Variants in COCH observed in about 807,000 individuals in gnomAD.
COCH encodes coagulation factor C homolog, cochlin (Limulus polyphemus).
Under a neutral mutation model 54.8 loss-of-function variants are expected in COCH, and 40 were observed. That is an observed-to-expected ratio of 0.73 (90% CI 0.57 to 0.95). COCH has a LOEUF of 0.95. Among genes scored for constraint, COCH ranks in the 40% least tolerant of loss-of-function variants. COCH has a pLI of 0.00. For missense variants in COCH, 605 were observed against 675.0 expected (o/e 0.90, Z 1.15); for synonymous variants, 256 against 237.9 (o/e 1.08, Z -0.70).
At chr14:30,874,826 C>T in intron 1 of COCH, 90 bp from the exon 2 acceptor site, 1 of 1,278,598 alleles carries the variant, frequency 7.8e-7, no homozygotes, top group South Asian at 1.2e-5. Flanking sequence ...CTGCGCCGCG[C>T]CCGGGGATCC....
At chr14:30,894,854 C>T, downstream of COCH, 3 of 585,772 alleles carry the variant, frequency 5.1e-6, no homozygotes, top group Non-Finnish European at 7.2e-6. Context: ...ACATTTTGTG[C>T]AACTAATGCT....
rs1895949518 is a variant in COCH at position 30,890,615 on chromosome 14, G to A, written c.*824G>A. The A allele has an allele frequency of 1.0e-6, 1 of 969,792 alleles. No individual in the cohort carries two copies. Among genetic ancestry groups the A allele is most frequent in the Non-Finnish European group, 1.2e-6 (1 of 815,432 alleles). 60.1% of individuals were successfully genotyped at this position (969,792 alleles called of 1,614,324 possible). ...GCAATAAAACTGCTAGTGAGTTATT[G>A]TAAGCTGGCTTACTTTTATTACTGC... On this transcript the variant is annotated 3_prime_UTR_variant, in exon 12 of 12. Coordinates refer to ENST00000396618, the MANE Select transcript of COCH (RefSeq NM_004086.3).
chr14:30,881,857 G>C (rs1895602481), intron 8 of COCH, among the ~76,000 whole-genome samples: 1 of 151,504 alleles, frequency 6.6e-6, no homozygotes, highest in Non-Finnish European at 1.5e-5. Flanking sequence ...CCAGCTACTC[G>C]GGAGGCTGAG....
At chr14:30,882,120 G>GTTTTTTTTTTGTTTGTTTGTTTTTTT (rs1895618905) in intron 8 of COCH, among the ~76,000 whole-genome samples, 9 of 67,912 alleles carry the variant, frequency 1.3e-4, no homozygotes, top group African/African-American at 5.9e-4. Flanking sequence ...CTATAAAATG[G>GTTTTTTTTTTGTTTGTTTGTTTTTTT]TTTTTTTTTT....
chr14:30,887,645 G>GTT (rs1210259652), intron 11 of COCH, among the ~76,000 whole-genome samples: 1 of 151,786 alleles, frequency 6.6e-6, no homozygotes, highest in Non-Finnish European at 1.5e-5. Context: ...CAATGGACTT[G>GTT]TTTTTTTTAA....
At chr14:30,879,067 A>ACAGTTTACCTC in intron 5 of COCH, 123 bp downstream of exon 5, 4 of 1,405,000 alleles carry the variant, frequency 2.8e-6, no homozygotes, top group Non-Finnish European at 4.0e-6. Context: ...AAGCTGACCT[A>ACAGTTTACCTC]TAGAGGTAAA....
In COCH at chr14:30,878,900, A is replaced by G. The variant is rs1281507766; in HGVS notation, c.329A>G (p.Gln110Arg). 1 of 1,614,212 alleles carries G rather than the reference A, an allele frequency of 6.2e-7. No individual in the cohort carries two copies. The highest frequency in any genetic ancestry group is 1.7e-5 in the Admixed American group (1 of 60,032). The change falls in exon 5 of 12, where the codon CAG becomes CGG. Residue 110 changes from glutamine to arginine, a missense_variant. Coordinates refer to ENST00000396618, the MANE Select transcript of COCH (RefSeq NM_004086.3). The part of the protein sequence containing the change: ...NYSSVDANGI[Q>R]SQMLSRWSAS... ...TCCTCAGTAGATGCCAATGGCATCC[A>G]GTCTCAAATGCTTTCTAGATGGTCT...
At chr14:30,893,293 C>A (rs1011511738), downstream of COCH, among the ~76,000 whole-genome samples, 4 of 151,786 alleles carry the variant, frequency 2.6e-5, no homozygotes, top group African/African-American at 9.7e-5. Flanking sequence ...ACCATAGGCA[C>A]CCGCCACCAC....
At chr14:30,884,064 C>T (rs1342772608) in intron 8 of COCH, among the ~76,000 whole-genome samples, 1 of 152,194 alleles carries the variant, frequency 6.6e-6, no homozygotes, top group Non-Finnish European at 1.5e-5. Flanking sequence ...GCCACTTCCT[C>T]ATTTAGTTTA....
At chr14:30,874,619 G>A in intron 1 of COCH, 28 bp downstream of exon 1, 1 of 517,152 alleles carries the variant, frequency 1.9e-6, no homozygotes, top group South Asian at 2.2e-5. Flanking sequence ...GCGGGCGCGG[G>A]TGCGAGGGAT....
downstream of COCH, chr14:30,895,482 C>T (rs1346866310): frequency 6.2e-7 from 1 of 1,614,082 alleles, no homozygotes; most frequent in Admixed American, 1.7e-5. Flanking sequence ...TGGAAAGCAA[C>T]ATCATAAATT....
At chr14:30,875,327 G>A in intron 3 of COCH, 1 of 645,870 alleles carries the variant, frequency 1.5e-6, no homozygotes, top group Non-Finnish European at 2.7e-6. Context: ...CCAGTGGGGG[G>A]ACGTTCTCCA....
intron 8 of COCH, 77 bp downstream of exon 8, chr14:30,880,811 T>TG: frequency 1.9e-6 from 2 of 1,069,588 alleles, no homozygotes; most frequent in Non-Finnish European, 1.4e-6. Context: ...TATATACTTA[T>TG]GGGGTACATA....
intron 11 of COCH, among the ~76,000 whole-genome samples, chr14:30,887,414 A>AAAC (rs1555312112): frequency 9.4e-5 from 14 of 148,436 alleles, no homozygotes; most frequent in Non-Finnish European, 2.0e-4. Context: ...AAAAAAAAAA[A>AAAC]AAAAAACTTT....
chr14:30,880,340 A>T (rs944489016), intron 6 of COCH, 112 bp from the exon 7 acceptor site: 27 of 1,490,486 alleles, frequency 1.8e-5, no homozygotes, highest in African/African-American at 9.9e-5. Context: ...TAATTTTTTT[A>T]AAAAAGTCCT....
In COCH at chr14:30,890,354, T is replaced by G; in HGVS notation, c.*563T>G. The G allele has an allele frequency of 1.0e-6, 1 of 985,516 alleles. No individual in the cohort carries two copies. Among genetic ancestry groups the G allele is most frequent in the African/African-American group, 1.7e-5 (1 of 57,366 alleles). 61.0% of individuals were successfully genotyped at this position (985,516 alleles called of 1,614,324 possible). A position where few individuals can be genotyped will look rare whatever the true frequency, so the allele number is the denominator to read the frequency against. ...TGTATCAAACTGCTTTTGTAGTGTG[T>G]TTTCATAACAACTTATGACTAAAAA... On this transcript the variant is annotated 3_prime_UTR_variant, in exon 12 of 12. Coordinates refer to ENST00000396618, the MANE Select transcript of COCH (RefSeq NM_004086.3).
rs2138843742 is a variant in COCH, at chr14:30,878,830, G to T, written c.259G>T (p.Gly87Trp). 1 of 1,614,110 alleles carries T rather than the reference G, an allele frequency of 6.2e-7. No individual in the cohort carries two copies. Among genetic ancestry groups the T allele is most frequent in the Non-Finnish European group, 8.5e-7 (1 of 1,180,026 alleles). Residue 87 changes from glycine (G) to tryptophan (W), a missense_variant, in exon 5 of 12, where the codon GGG (glycine) becomes TGG (tryptophan). Transcript: ENST00000396618. ...AVHRGVISNS[G>W]GPVRVYSLPG... ...TTACAGGGGAGTAATCAGCAACTCAGGGGGACCTGTACGAGTCTATAGCCT... is the reference window on the plus strand; with the variant it reads ...TTACAGGGGAGTAATCAGCAACTCATGGGGACCTGTACGAGTCTATAGCCT...
chr14:30,890,329 TG>T lies in COCH; in HGVS notation c.*539del. The T allele has an allele frequency of 1.0e-6, 1 of 985,682 alleles. No individual in the cohort carries two copies. Among genetic ancestry groups the T allele is most frequent in the Admixed American group, 6.1e-5 (1 of 16,330 alleles). 61.1% of individuals were successfully genotyped at this position (985,682 alleles called of 1,614,324 possible). A position where few individuals can be genotyped will look rare whatever the true frequency, so the allele number is the denominator to read the frequency against. On this transcript the variant is annotated 3_prime_UTR_variant, in exon 12 of 12. Transcript: ENST00000396618. ...AAAATCTGGATATAGAAAGGAGACC[TG>T]TATCAAACTGCTTTTGTAGTGTGTT...
chr14:30,882,388 C>T (rs1255727586), intron 8 of COCH, among the ~76,000 whole-genome samples: 2 of 151,840 alleles, frequency 1.3e-5, no homozygotes, highest in African/African-American at 4.8e-5. Flanking sequence ...CCTCGGACTC[C>T]CAAAGTGCTA....
Sources: allele counts gnomAD v4.1 joint callset (sites outside exome capture counted in the v4.1 genomes callset), GRCh38; gene constraint gnomAD v4.1.1; transcripts MANE v1.5; gene names NCBI Gene and HGNC (gene_info 2026-07-23, HGNC 2026-07-21).